SOBP: variants seen among roughly 807,000 people sequenced by gnomAD.
SOBP encodes sine oculis-binding protein homolog.
SOBP carries 4 observed loss-of-function variants against 53.6 expected under a neutral mutation model. The ratio of observed to expected loss-of-function variants is 0.07; its 90% CI spans 0.04 to 0.17. The LOEUF (loss-of-function observed/expected upper bound fraction) is 0.17, where lower values mean the gene tolerates loss of function less well. Among genes scored for constraint, SOBP ranks in the 10% least tolerant of loss-of-function variants. SOBP has a pLI of 1.00. For synonymous variants in SOBP, 584 were observed against 522.6 expected, an observed-to-expected ratio of 1.12 and a Z score of -1.60; for missense variants, 1,088 against 1,204.7, an observed-to-expected ratio of 0.90 and a Z score of 1.43.
intron 3 of SOBP, among the ~76,000 whole-genome samples, chr6:107,512,335 G>A (rs1284820209): frequency 2.0e-5 from 3 of 152,152 alleles, no homozygotes; most frequent in South Asian, 2.1e-4. Context: ...GACTTCATTC[G>A]AAGATGATCA....
intron 4 of SOBP, among the ~76,000 whole-genome samples, chr6:107,586,566 C>G (rs1454659642): frequency 6.6e-6 from 1 of 150,588 alleles, no homozygotes; most frequent in Non-Finnish European, 1.5e-5. Flanking sequence ...TGGTTCTTAC[C>G]AGATCATCGC....
chr6:107,522,256 C>A (rs9386644), intron 3 of SOBP, among the ~76,000 whole-genome samples: 13 of 152,046 alleles, frequency 8.6e-5, no homozygotes, highest in African/African-American at 2.9e-4. Flanking sequence ...GTGCCACTTT[C>A]TTCTTGAGGG....
chr6:107,529,014 C>T (rs1783745074), intron 3 of SOBP, among the ~76,000 whole-genome samples: 1 of 152,138 alleles, frequency 6.6e-6, no homozygotes, highest in African/African-American at 2.4e-5. Context: ...TGAAATGAGC[C>T]GTGCATTGTG....
intron 4 of SOBP, among the ~76,000 whole-genome samples, chr6:107,565,082 G>A (rs1347207409): frequency 6.6e-6 from 1 of 152,194 alleles, no homozygotes; most frequent in East Asian, 1.9e-4. Flanking sequence ...TTTTTCCTTT[G>A]GTTTGGAGTG....
chr6:107,592,612 G>A (rs1433126934), intron 5 of SOBP, among the ~76,000 whole-genome samples: 1 of 152,156 alleles, frequency 6.6e-6, no homozygotes. Context: ...AAATCATGAT[G>A]ACACACTGGA....
chr6:107,591,981 T>TTG (rs1554185228), intron 5 of SOBP, among the ~76,000 whole-genome samples: 2 of 145,230 alleles, frequency 1.4e-5, no homozygotes, highest in African/African-American at 5.4e-5. Context: ...TTTTTTTTTT[T>TTG]TTTTTTTTTT....
At chr6:107,606,760 A>C (rs950182132) in intron 5 of SOBP, among the ~76,000 whole-genome samples, 3 of 152,196 alleles carry the variant, frequency 2.0e-5, no homozygotes, top group Non-Finnish European at 4.4e-5. Context: ...TGCCTACAGG[A>C]GCAGGAGAGG....
chr6:107,573,970 A>C (rs1785150792), intron 4 of SOBP, among the ~76,000 whole-genome samples: 1 of 152,198 alleles, frequency 6.6e-6, no homozygotes, highest in African/African-American at 2.4e-5. Flanking sequence ...TTCATTATTC[A>C]GTTGTCTACT....
At chr6:107,626,329 C>T (rs1351189862) in intron 5 of SOBP, among the ~76,000 whole-genome samples, 3 of 152,166 alleles carry the variant, frequency 2.0e-5, no homozygotes, top group Admixed American at 2.0e-4. Flanking sequence ...AGATTTTGAA[C>T]TCTGCAAGGG....
intron 4 of SOBP, among the ~76,000 whole-genome samples, chr6:107,535,581 T>C (rs1783968895): frequency 6.6e-6 from 1 of 151,926 alleles, no homozygotes; most frequent in African/African-American, 2.4e-5. Context: ...TCCTTCCTTA[T>C]ATATCCCAAA....
intron 6 of SOBP, among the ~76,000 whole-genome samples, chr6:107,641,641 A>C (rs1002308431): frequency 6.6e-6 from 1 of 152,116 alleles, no homozygotes; most frequent in Non-Finnish European, 1.5e-5. Context: ...CCAGCTATTA[A>C]CCAGCCGTTG....
chr6:107,573,508 A>C (rs897683347), intron 4 of SOBP, among the ~76,000 whole-genome samples: 1 of 152,136 alleles, frequency 6.6e-6, no homozygotes, highest in Non-Finnish European at 1.5e-5. Context: ...AAATTTCTGA[A>C]ATGGATGTTG....
At chr6:107,504,968 C>T (rs1782941153) in intron 2 of SOBP, among the ~76,000 whole-genome samples, 2 of 152,192 alleles carry the variant, frequency 1.3e-5, no homozygotes, top group South Asian at 2.1e-4. Flanking sequence ...GGATATGCTA[C>T]TAGAACGAAA....
intron 5 of SOBP, among the ~76,000 whole-genome samples, chr6:107,626,724 A>G (rs1247716721): frequency 6.6e-6 from 1 of 152,146 alleles, no homozygotes; most frequent in East Asian, 1.9e-4. Context: ...CGGCCTGGCA[A>G]TGGGAGATGG....
At chr6:107,624,081 C>T (rs1199728465) in intron 5 of SOBP, among the ~76,000 whole-genome samples, 1 of 152,144 alleles carries the variant, frequency 6.6e-6, no homozygotes, top group Admixed American at 6.6e-5. Context: ...AAGCAAAGAC[C>T]TTGCGTAAGC....
intron 5 of SOBP, among the ~76,000 whole-genome samples, chr6:107,592,467 A>G (rs1785790570): frequency 6.6e-6 from 1 of 152,198 alleles, no homozygotes; most frequent in African/African-American, 2.4e-5. Flanking sequence ...ATGTCTCAGA[A>G]TAGGTGCAAT....
At chr6:107,630,667 A>G (rs992775239) in intron 5 of SOBP, among the ~76,000 whole-genome samples, 8 of 152,174 alleles carry the variant, frequency 5.3e-5, no homozygotes, top group African/African-American at 1.7e-4. Context: ...TTCACCAGAA[A>G]GATTGCTTTT....
At chr6:107,557,554 G>T (rs754483465) in intron 4 of SOBP, among the ~76,000 whole-genome samples, 1 of 152,140 alleles carries the variant, frequency 6.6e-6, no homozygotes, top group Non-Finnish European at 1.5e-5. Context: ...TATCAGACTC[G>T]GTCAATATAA....
chr6:107,634,068 C>T lies in SOBP; in HGVS notation c.1224C>T (p.Arg408=). 1.2e-6 allele frequency: 2 copies of T among 1,601,604 alleles called. No individual in the cohort carries two copies. Among genetic ancestry groups the T allele is most frequent in the Non-Finnish European group, 1.7e-6 (2 of 1,173,136 alleles). The change falls in exon 6 of 7, where the codon CGC becomes CGT. Residue 408 remains arginine, a synonymous_variant. Coordinates refer to ENST00000317357, the MANE Select transcript of SOBP (RefSeq NM_018013.4). This position sits in a 1 kb window ranked among gnomAD's most constrained non-coding sequence, Gnocchi z 4.5. The part of the protein sequence containing the change: ...FMEQQIMQQI[R]PPFIRGPPHH... ...AGCAGCAGATCATGCAGCAGATCCG[C>T]CCGCCCTTCATCCGCGGGCCTCCGC...
Sources: gnomAD v4.1 joint callset for allele counts (sites outside exome capture counted in the v4.1 genomes callset) on GRCh38, gnomAD v4.1.1 for gene constraint, Gnocchi (gnomAD v3.1) non-coding constraint, MANE v1.5 for transcripts, NCBI Gene and HGNC (gene_info 2026-07-23, HGNC 2026-07-21) for gene names.